The following MYT1 variants were observed in gnomAD, a reference collection of about 807,000 sequenced individuals.
The protein encoded by MYT1 is myelin transcription factor I.
A neutral mutation model predicts 123.0 loss-of-function variants in MYT1; 23 were observed. That is an observed-to-expected ratio of 0.19 (90% CI 0.13 to 0.26). The LOEUF (loss-of-function observed/expected upper bound fraction) is 0.26. Ranked by LOEUF, MYT1 falls within the 10% of genes least tolerant of loss-of-function variation. The pLI is 1.00. For missense variants in MYT1, 1,125 were observed against 1,472.5 expected (o/e 0.76, Z 3.86); for synonymous variants, 518 against 575.3 (o/e 0.90, Z 1.43).
intron 8 of MYT1, 90 bp from the exon 9 acceptor site, chr20:64,211,958 G>A: frequency 1.8e-6 from 2 of 1,096,254 alleles, no homozygotes; most frequent in Non-Finnish European, 1.4e-6. Flanking sequence ...CAAGGCTCCT[G>A]CACCCTCCTC....
intron 1 of MYT1, among the ~76,000 whole-genome samples, chr20:64,188,545 C>T (rs760014439): frequency 6.6e-6 from 1 of 152,156 alleles, no homozygotes. Flanking sequence ...GAGGACCCCA[C>T]GCCCCATCTT....
rs1320968074 is a variant in MYT1, at chr20:64,219,991, A to T, written c.2241+9A>T. The T allele has an allele frequency of 3.4e-6, 5 of 1,463,144 alleles. No individual in the cohort carries two copies. The allele number at this position is 1,463,144 out of a possible 1,614,324, so 90.6% of individuals were successfully genotyped here. ...AGGAGGAACCTGAGGAGGTGGGTGCAGGCGCCTGGGCAAGCAGTCAGGCGG... is the reference window on the plus strand; with the variant it reads ...AGGAGGAACCTGAGGAGGTGGGTGCTGGCGCCTGGGCAAGCAGTCAGGCGG... On this transcript the variant is annotated intron_variant, in intron 13 of 22. Coordinates refer to ENST00000328439, the MANE Select transcript of MYT1 (RefSeq NM_004535.3).
At position 64,191,066 on chromosome 20, in the gene MYT1, C is replaced by A. The variant is rs957868726; in HGVS notation, c.-1+906C>A. On this transcript the variant is annotated intron_variant, in intron 2 of 22. Transcript: ENST00000328439. The surrounding 1 kb of genome is among the most constrained non-coding windows in gnomAD (Gnocchi z 4.1). Reference sequence around the variant, plus strand: ...GCTTTGAGGTGTGACCACGTCTGGGCTCTGTGATAGGCCTGAGCAACTGTT... The same window carrying A: ...GCTTTGAGGTGTGACCACGTCTGGGATCTGTGATAGGCCTGAGCAACTGTT... 6.6e-6 allele frequency among the ~76,000 whole-genome samples: 1 copy of A among 152,194 alleles called. No homozygotes were observed. Among genetic ancestry groups the A allele is most frequent in the African/African-American group, 2.4e-5 (1 of 41,462 alleles).
chr20:64,199,967 G>T (rs1983244877), intron 4 of MYT1, 45 bp downstream of exon 4: 1 of 1,606,150 alleles, frequency 6.2e-7, no homozygotes, highest in South Asian at 1.1e-5. Flanking sequence ...CTATGTGCCT[G>T]TGACCCTGGA....
intron 2 of MYT1, among the ~76,000 whole-genome samples, chr20:64,198,286 CAAAAAAAAAAA>C (rs34822167): frequency 2.1e-4 from 5 of 23,818 alleles, no homozygotes; most frequent in East Asian, 2.9e-3. Context: ...GACTCCGTCT[CAAAAAAAAAAA>C]AAAAAAAAAA....
Position 64,172,610 on chromosome 20 carries a change from G to A in MYT1, c.-99+7871G>A, listed in dbSNP as rs1279701973. Among the ~76,000 whole-genome samples, 5 of 152,268 alleles carry A rather than the reference G, an allele frequency of 3.3e-5. No homozygotes were observed. In the South Asian group the frequency reaches 6.2e-4, roughly 19 times the overall value. The stretch of plus-strand genomic sequence containing the variant: ...AGAAAAATTTCTGGGACCAAGGAAC[G>A]AAAATGCTGGAGCAGAATTCCAGAG... On this transcript the variant is annotated intron_variant, in intron 1 of 22. Coordinates refer to ENST00000328439, the MANE Select transcript of MYT1 (RefSeq NM_004535.3).
At chr20:64,183,650 T>C (rs995688464) in intron 1 of MYT1, among the ~76,000 whole-genome samples, 2 of 152,354 alleles carry the variant, frequency 1.3e-5, no homozygotes, top group Admixed American at 6.5e-5. Context: ...TCCCGTGTTA[T>C]CTTTGGAGAA....
intron 2 of MYT1, among the ~76,000 whole-genome samples, chr20:64,195,354 CTGTG>C (rs5741790): frequency 0.39 from 38,162 of 97,812 alleles, 7,932 homozygotes; most frequent in East Asian, 0.42. Flanking sequence ...ATGGTGAGAA[CTGTG>C]TGTGTGTGTG....
chr20:64,222,381 G>A (rs1349870628), intron 14 of MYT1, among the ~76,000 whole-genome samples: 1 of 152,248 alleles, frequency 6.6e-6, no homozygotes, highest in Non-Finnish European at 1.5e-5. Context: ...GGCACCCAGA[G>A]GCCTGGCCCT....
At chr20:64,198,491 C>T (rs571878183) in intron 2 of MYT1, among the ~76,000 whole-genome samples, 77 of 152,178 alleles carry the variant, frequency 5.1e-4, no homozygotes, top group African/African-American at 1.8e-3. Context: ...TGCTCTGTGT[C>T]GGGCCAGGAG....
At chr20:64,178,257 A>T (rs1463832189) in intron 1 of MYT1, among the ~76,000 whole-genome samples, 1 of 152,234 alleles carries the variant, frequency 6.6e-6, no homozygotes, top group Admixed American at 6.5e-5. Flanking sequence ...CGTGTTGCTG[A>T]TGCGATGCCA....
At chr20:64,226,048 C>T (rs558274695) in intron 16 of MYT1, among the ~76,000 whole-genome samples, 4 of 152,306 alleles carry the variant, frequency 2.6e-5, no homozygotes, top group East Asian at 1.9e-4. Context: ...ACTTGCCCAC[C>T]GCACTGAACC....
intron 16 of MYT1, among the ~76,000 whole-genome samples, chr20:64,223,691 T>C (rs2427617): frequency 0.62 from 94,435 of 152,032 alleles, 31,443 homozygotes; most frequent in African/African-American, 0.84. Flanking sequence ...CCTGCTTTCT[T>C]ACTGCCCTAG....
rs6011352 is a variant in MYT1, at chr20:64,232,625, C to T, written c.2897+240C>T. ...CCCCTCATACGCCACCCTTCCACAT[C>T]CTGATGGAGTCCTTCCTGGCTGGGT... On this transcript the variant is annotated intron_variant, in intron 19 of 22. Transcript: ENST00000328439. The surrounding 1 kb of genome is among the most constrained non-coding windows in gnomAD (Gnocchi z 6.9). Among the ~76,000 whole-genome samples the T allele has an allele frequency of 6.6e-6, 1 of 152,134 alleles. No homozygotes were observed. Among genetic ancestry groups the T allele is most frequent in the Non-Finnish European group, 1.5e-5 (1 of 68,006 alleles).
At chr20:64,172,901 G>C (rs1461782621) in intron 1 of MYT1, among the ~76,000 whole-genome samples, 1 of 152,014 alleles carries the variant, frequency 6.6e-6, no homozygotes, top group East Asian at 1.9e-4. Flanking sequence ...GCTAATTTTT[G>C]TATCTTTAGT....
At chr20:64,235,326 G>T (rs1233195497) in intron 19 of MYT1, among the ~76,000 whole-genome samples, 1 of 123,832 alleles carries the variant, frequency 8.1e-6, no homozygotes, top group Non-Finnish European at 1.7e-5. Context: ...GGGTGACCCT[G>T]GGCTGGCCGT....
rs1261189521 is a variant in MYT1 at position 64,167,963 on chromosome 20, T to G, written c.-99+3224T>G. Among the ~76,000 whole-genome samples, 1 of 152,190 alleles carries G rather than the reference T, an allele frequency of 6.6e-6. No individual in the cohort carries two copies. Among genetic ancestry groups the G allele is most frequent in the Non-Finnish European group, 1.5e-5 (1 of 68,032 alleles). ...CAGTGGCTGCCGTGCTGCTCCCCCG[T>G]GGGCTTCCTGCTCTTTGGGGACTGC... is the stretch of plus-strand genomic sequence containing the variant. On this transcript the variant is annotated intron_variant, in intron 1 of 22. Transcript: ENST00000328439. The surrounding 1 kb of genome is among the most constrained non-coding windows in gnomAD (Gnocchi z 6.3).
chr20:64,201,817 T>A (rs945691005), intron 4 of MYT1, among the ~76,000 whole-genome samples: 1 of 152,230 alleles, frequency 6.6e-6, no homozygotes, highest in Non-Finnish European at 1.5e-5. Context: ...CGTTGTGGTC[T>A]GTGAGAGGAG....
intron 19 of MYT1, among the ~76,000 whole-genome samples, chr20:64,234,740 G>GTGGTATGTGACCCGGGGCTGGCCA: frequency 7.0e-6 from 1 of 142,896 alleles, no homozygotes; most frequent in African/African-American, 2.6e-5. Context: ...TGGGCTGGCC[G>GTGGTATGTGACCCGGGGCTGGCCA]TGGTATGTGA....
Sources: gnomAD v4.1 joint callset for allele counts (sites outside exome capture counted in the v4.1 genomes callset) on GRCh38, gnomAD v4.1.1 for gene constraint, Gnocchi (gnomAD v3.1) non-coding constraint, MANE v1.5 for transcripts, NCBI Gene and HGNC (gene_info 2026-07-23, HGNC 2026-07-21) for gene names.